The following PLEC variants were observed in gnomAD, a reference collection of about 807,000 sequenced individuals.
The protein encoded by PLEC is hemidesmosomal protein 1.
PLEC carries 216 observed loss-of-function variants against 392.8 expected under a neutral mutation model. That is an observed-to-expected ratio of 0.55 (90% confidence interval 0.49 to 0.62). The LOEUF (loss-of-function observed/expected upper bound fraction) is 0.62. Among genes scored for constraint, PLEC ranks in the 20% least tolerant of loss-of-function variants. The probability of loss-of-function intolerance (pLI) is 0.00; values close to 1 mark genes in which losing one functional copy is unlikely to be tolerated. For missense variants in PLEC, 6,863 were observed against 6,563.4 expected (o/e 1.05, Z -1.58); for synonymous variants, 3,621 against 2,980.6 (o/e 1.21, Z -7.00).
At chr8:143,976,375 G>A (rs963341817), upstream of PLEC, among the ~76,000 whole-genome samples, 1 of 151,762 alleles carries the variant, frequency 6.6e-6, no homozygotes, top group African/African-American at 2.4e-5. Context: ...AAGGGCTAAG[G>A]AGGAGGCAGC....
At chr8:143,942,596 A>G (rs1355476296), upstream of PLEC, 1 of 1,447,308 alleles carries the variant, frequency 6.9e-7, no homozygotes, top group Admixed American at 2.5e-5. Context: ...CTTCCAGCCC[A>G]CGCTGCGAGG....
upstream of PLEC, among the ~76,000 whole-genome samples, chr8:143,957,827 C>T (rs1450666139): frequency 2.0e-5 from 3 of 149,034 alleles, no homozygotes; most frequent in Non-Finnish European, 4.5e-5. Context: ...AGCCCCTAAC[C>T]CCCTGGCAGC....
chr8:143,942,001 C>G (rs996040510), upstream of PLEC, among the ~76,000 whole-genome samples: 3 of 152,142 alleles, frequency 2.0e-5, no homozygotes, highest in Non-Finnish European at 4.4e-5. Context: ...AGGATGGAAA[C>G]CCCAAGACTG....
At chr8:143,953,890 C>G, upstream of PLEC, 1 of 1,514,040 alleles carries the variant, frequency 6.6e-7, no homozygotes, top group East Asian at 2.5e-5. Flanking sequence ...GCAGGGCTTG[C>G]CGGCCAGGGG....
chr8:143,928,069 C>T (rs1290415975), intron 25 of PLEC, 77 bp from the exon 26 acceptor site: 20 of 1,504,936 alleles, frequency 1.3e-5, no homozygotes, highest in Middle Eastern at 3.6e-4. Context: ...CAAGCCACAG[C>T]GACCCAGGGT....
At chr8:143,976,306 C>T (rs564462104), upstream of PLEC, among the ~76,000 whole-genome samples, 1 of 152,278 alleles carries the variant, frequency 6.6e-6, no homozygotes, top group African/African-American at 2.4e-5. Flanking sequence ...GGCTCTGTCT[C>T]GGAGGGGGTG....
rs1051782992 is a variant in PLEC, at chr8:143,918,106, C to T, written c.11715G>A (p.Glu3905=). 8.1e-6 allele frequency: 13 copies of T among 1,598,114 alleles called. No individual in the cohort carries two copies. The highest frequency in any genetic ancestry group is 1.1e-5 in the Non-Finnish European group (13 of 1,176,948). Residue 3905 remains glutamate, a synonymous_variant, in exon 32 of 32, where the codon GAG becomes GAA. Coordinates refer to ENST00000345136, the MANE Select transcript of PLEC (RefSeq NM_201384.3). ...CCTCCCGCAGCTGCAGCGCCGTGGC[C>T]TCGTCCATGACCTGCGAGCGCACCA... ...EELVRSQVMD[E]ATALQLREGL... is the part of the protein sequence containing the mutation.
In PLEC at chr8:143,922,655, T is replaced by G. The variant is rs782662646; in HGVS notation, c.7274A>C (p.Gln2425Pro). The change falls in exon 31 of 32, where the codon CAG becomes CCG. Residue 2425 changes from glutamine to proline, a missense_variant. By Grantham distance (76) the Gln-to-Pro change is moderately conservative. Coordinates refer to ENST00000345136, the MANE Select transcript of PLEC (RefSeq NM_201384.3). ...TGTCTGCACCAGGGTCACCTTCTCCTGGGTGGCGAGCTCCGTGCGGTGCAG... is the reference window on the plus strand; with the variant it reads ...TGTCTGCACCAGGGTCACCTTCTCCGGGGTGGCGAGCTCCGTGCGGTGCAG... ...EKLHRTELAT[Q>P]EKVTLVQTLE... is the part of the protein sequence containing the mutation. The G allele has an allele frequency of 1.7e-5, 28 of 1,613,382 alleles. No homozygotes were observed. Among genetic ancestry groups the G allele is most frequent in the Non-Finnish European group, 2.4e-5 (28 of 1,179,964 alleles).
In PLEC at chr8:143,927,848, C is replaced by T. The variant is rs1554708754; in HGVS notation, c.3399+6G>A. The T allele has an allele frequency of 7.5e-6, 12 of 1,591,226 alleles. No homozygotes were observed. The highest frequency in any genetic ancestry group is 2.3e-5 in the East Asian group (1 of 43,700). ...CCGCCATGAAGCCCAAGCCTCGAAACGATACCTTCAGAGAGGCCTTGGTGG... is the reference window on the plus strand; with the variant it reads ...CCGCCATGAAGCCCAAGCCTCGAAATGATACCTTCAGAGAGGCCTTGGTGG... On this transcript the variant is annotated splice_donor_region_variant and intron_variant, in intron 26 of 31. Coordinates refer to ENST00000345136, the MANE Select transcript of PLEC (RefSeq NM_201384.3).
At position 143,919,715 on chromosome 8, in the gene PLEC, A is replaced by G. The variant is rs1821877893; in HGVS notation, c.10106T>C (p.Val3369Ala). ...CCGGCGCATGGCCTCGTAGATGGAC[A>G]CCTTCTCCTTGGTGTCCTCCAGGTA... is the stretch of plus-strand genomic sequence containing the variant. The part of the protein sequence containing the change: ...GIYLEDTKEK[V>A]SIYEAMRRGL... Residue 3369 changes from valine to alanine, a missense_variant, in exon 32 of 32, where the codon GTG (valine) becomes GCG (alanine). Coordinates refer to ENST00000345136, the MANE Select transcript of PLEC (RefSeq NM_201384.3). The G allele has an allele frequency of 1.2e-6, 2 of 1,605,722 alleles. No homozygotes were observed. The highest frequency in any genetic ancestry group is 8.5e-7 in the Non-Finnish European group (1 of 1,176,066).
chr8:143,952,012 A>G (rs1554736974), upstream of PLEC, among the ~76,000 whole-genome samples: 1 of 151,884 alleles, frequency 6.6e-6, no homozygotes, highest in Non-Finnish European at 1.5e-5. Flanking sequence ...CCTTCCCACC[A>G]AGCCCGGCAA....
chr8:143,930,642 C>A, intron 19 of PLEC, 106 bp from the exon 20 acceptor site: 1 of 1,232,526 alleles, frequency 8.1e-7, no homozygotes, highest in Non-Finnish European at 1.1e-6. Flanking sequence ...CCTGATGCTC[C>A]CGGGGTGGCA....
chr8:143,923,476 C>G lies in PLEC; in HGVS notation c.6453G>C (p.Gln2151His). 6.2e-7 allele frequency: 1 copy of G among 1,601,542 alleles called. No homozygotes were observed. Among genetic ancestry groups the G allele is most frequent in the Non-Finnish European group, 8.5e-7 (1 of 1,175,696 alleles). The change falls in exon 31 of 32, where the codon CAG becomes CAC. Residue 2151 changes from glutamine to histidine, a missense_variant. Coordinates refer to ENST00000345136, the MANE Select transcript of PLEC (RefSeq NM_201384.3). The stretch of plus-strand genomic sequence containing the variant: ...TCTGCCGCAGGGCCGCCTGCTCCGC[C>G]TGTGCCCGCCGCGCCGCCTCTTGCT... Reference protein sequence around the residue: ...EAEQEAARRAQAEQAALRQKQ... With the variant: ...EAEQEAARRAHAEQAALRQKQ...
upstream of PLEC, among the ~76,000 whole-genome samples, chr8:143,974,873 G>A (rs1399418674): frequency 6.6e-6 from 1 of 152,228 alleles, no homozygotes; most frequent in Non-Finnish European, 1.5e-5. The surrounding 1 kb of genome is among the most constrained non-coding windows in gnomAD (Gnocchi z 5.9). Context: ...TGGCAGCCAA[G>A]ACCGAGGGCC....
At position 143,922,279 on chromosome 8, in the gene PLEC, G is replaced by C. The variant is rs782777267; in HGVS notation, c.7542C>G (p.Ala2514=). ...QRERFIEQEK[A]KLEQLFQDEV... ...CGTCCTGGAAGAGCTGCTCCAGCTTGGCCTTCTCCTGCTCGATGAAGCGCT... is the reference window on the plus strand; with the variant it reads ...CGTCCTGGAAGAGCTGCTCCAGCTTCGCCTTCTCCTGCTCGATGAAGCGCT... Residue 2514 remains alanine (A), a synonymous_variant, in exon 32 of 32, where the codon GCC becomes GCG. Coordinates refer to ENST00000345136, the MANE Select transcript of PLEC (RefSeq NM_201384.3). 3 of 1,605,576 alleles carry C rather than the reference G, an allele frequency of 1.9e-6. No individual in the cohort carries two copies. In the East Asian group the frequency reaches 6.7e-5, roughly 36 times the overall value.
In PLEC at chr8:143,929,966, C is replaced by T; in HGVS notation, c.2709G>A (p.Val903=). 2 of 1,611,266 alleles carry T rather than the reference C, an allele frequency of 1.2e-6. No homozygotes were observed. The highest frequency in any genetic ancestry group is 1.7e-6 in the Non-Finnish European group (2 of 1,179,570). ...LLAWQSLRRD[V]QLIRSWSLAT... is the part of the protein sequence containing the mutation. ...CCAGGGACCAGGAGCGGATGAGCTG[C>T]ACGTCGCGGCGAAGGCTCTGCCAGG... The change falls in exon 22 of 32, where the codon GTG becomes GTA. Residue 903 remains valine, a synonymous_variant. Transcript: ENST00000345136.
chr8:143,918,245 T>A lies in PLEC; in HGVS notation c.11576A>T (p.Gln3859Leu). 6.3e-7 allele frequency: 1 copy of A among 1,589,968 alleles called. No homozygotes were observed. The highest frequency in any genetic ancestry group is 2.2e-5 in the East Asian group (1 of 44,630). The change falls in exon 32 of 32, where the codon CAG (glutamine) becomes CTG (leucine). Residue 3859 changes from glutamine (Q) to leucine (L), a missense_variant. Coordinates refer to ENST00000345136, the MANE Select transcript of PLEC (RefSeq NM_201384.3). ...GTCACGACGGCACCGCCTGAGCAGCTGCGTGTAGCTGAGGCGCTCGTCGGT... is the reference window on the plus strand; with the variant it reads ...GTCACGACGGCACCGCCTGAGCAGCAGCGTGTAGCTGAGGCGCTCGTCGGT... The part of the protein sequence containing the change: ...PSTDERLSYT[Q>L]LLRRCRRDDG...
In PLEC at chr8:143,932,679, G is replaced by A. The variant is rs376215217; in HGVS notation, c.1771C>T (p.Arg591Cys). The change falls in exon 15 of 32, where the codon CGT becomes TGT. Residue 591 changes from arginine to cysteine, a missense_variant. Coordinates refer to ENST00000345136, the MANE Select transcript of PLEC (RefSeq NM_201384.3). ...AGGTCCAGCCGACCCAGGCAGTCACGGTAGGCACCCCGGGTGGCGGGGGAG... is the reference window on the plus strand; with the variant it reads ...AGGTCCAGCCGACCCAGGCAGTCACAGTAGGCACCCCGGGTGGCGGGGGAG... ...QLSPATRGAY[R>C]DCLGRLDLQY... is the part of the protein sequence containing the mutation. 3.6e-5 allele frequency: 58 copies of A among 1,609,982 alleles called. No homozygotes were observed. In the African/African-American group the frequency reaches 5.7e-4, roughly 16 times the overall value.
chr8:143,960,018 C>G (rs901396185), intron 1 of PLEC, among the ~76,000 whole-genome samples: 2 of 151,876 alleles, frequency 1.3e-5, no homozygotes, highest in South Asian at 2.1e-4. Flanking sequence ...CGCGGTGGCT[C>G]ACGCCTGTAA....
Sources: gnomAD v4.1 joint callset for allele counts (sites outside exome capture counted in the v4.1 genomes callset) on GRCh38, gnomAD v4.1.1 for gene constraint, Gnocchi (gnomAD v3.1) non-coding constraint, MANE v1.5 for transcripts, NCBI Gene and HGNC (gene_info 2026-07-23, HGNC 2026-07-21) for gene names.